Variants in URI1 observed in about 807,000 individuals in gnomAD.
The protein encoded by URI1 is unconventional prefoldin RPB5 interactor 1.
A neutral mutation model predicts 60.2 loss-of-function variants in URI1; 39 were observed. That is an observed-to-expected ratio of 0.65 (90% CI 0.50 to 0.85). The LOEUF is 0.85. URI1 is among the 40% of genes least tolerant of loss of function. URI1 has a pLI of 0.00. For missense variants in URI1, 691 were observed against 665.9 expected (o/e 1.04, Z -0.42); for synonymous variants, 251 against 236.8 (o/e 1.06, Z -0.55).
intron 4 of URI1, among the ~76,000 whole-genome samples, chr19:30,005,133 A>G (rs569584795): frequency 6.6e-6 from 1 of 152,212 alleles, no homozygotes; most frequent in African/African-American, 2.4e-5. Flanking sequence ...TGTAATAGAG[A>G]GAAAATATGT....
intron 4 of URI1, among the ~76,000 whole-genome samples, chr19:29,992,619 A>T (rs1384576580): frequency 6.6e-6 from 1 of 152,188 alleles, no homozygotes; most frequent in Non-Finnish European, 1.5e-5. Context: ...TTAATGTTAC[A>T]AATTAGGGAT....
In URI1 at chr19:29,942,271, G is replaced by A; in HGVS notation, c.-277G>A. 2.0e-6 allele frequency: 2 copies of A among 984,772 alleles called. No homozygotes were observed. Among genetic ancestry groups the A allele is most frequent in the Non-Finnish European group, 1.2e-6 (1 of 829,660 alleles). The allele number at this position is 984,772 out of a possible 1,614,324, so 61.0% of individuals were successfully genotyped here. ...GAGGCGCGGCCGCCACGCGACGCCT[G>A]GCTGGGCCCGCACCGGAGAGGCGTC... On this transcript the variant is annotated 5_prime_UTR_variant, in exon 1 of 11. Transcript: ENST00000392271.
chr19:29,974,504 C>T (rs1465602769), intron 2 of URI1, among the ~76,000 whole-genome samples: 2 of 152,092 alleles, frequency 1.3e-5, no homozygotes, highest in African/African-American at 4.8e-5. Context: ...ACTCATCAGT[C>T]GGCTTTGATA....
chr19:29,958,005 G>A (rs2145279768), intron 1 of URI1: 1 of 150,984 alleles, frequency 6.6e-6, no homozygotes, highest in South Asian at 2.1e-4. Flanking sequence ...GGCCAGACTA[G>A]TCTCCAACTC....
intron 1 of URI1, among the ~76,000 whole-genome samples, chr19:29,968,991 A>G (rs1027785600): frequency 9.2e-5 from 14 of 152,118 alleles, no homozygotes; most frequent in Non-Finnish European, 1.5e-5. Flanking sequence ...TAGGTGGACC[A>G]TAAATCATAT....
In URI1 at chr19:29,978,533, T is replaced by C. The variant is rs540330892; in HGVS notation, c.153-6690T>C. Among the ~76,000 whole-genome samples the C allele has an allele frequency of 1.0e-3, 158 of 151,278 alleles. 3 individuals are homozygous for C. Among genetic ancestry groups the C allele is most frequent in the African/African-American group, 3.8e-3 (156 of 41,474 alleles). On this transcript the variant is annotated intron_variant, in intron 2 of 10. Transcript: ENST00000392271. ...TGAAGAGTAACATCCAATAAAACTC[T>C]TAAGCACAGAGTCCTGTTTGAGGAT...
chr19:30,015,370 T>C lies in URI1; in HGVS notation c.*301T>C. 7.0e-7 allele frequency: 1 copy of C among 1,431,850 alleles called. No individual in the cohort carries two copies. 88.7% of individuals were successfully genotyped at this position (1,431,850 alleles called of 1,614,324 possible). On this transcript the variant is annotated 3_prime_UTR_variant, in exon 11 of 11. Transcript: ENST00000392271. ...CAAAGAATACTGTTCATATGCATTG[T>C]TTTTGTGTTTCAAACTAAATACAGG...
chr19:30,015,656 T>C lies in URI1; in HGVS notation c.*587T>C, dbSNP rs926567482. ...ATGGGAAAATTTCTTTGGAAAGATA[T>C]TTTGTAAAACTTTTTTTTCCAAGTA... On this transcript the variant is annotated 3_prime_UTR_variant, in exon 11 of 11. Coordinates refer to ENST00000392271, the MANE Select transcript of URI1 (RefSeq NM_003796.3). 12 of 1,423,860 alleles carry C rather than the reference T, an allele frequency of 8.4e-6. No homozygotes were observed. The highest frequency in any genetic ancestry group is 2.6e-5 in the Admixed American group (1 of 37,862). 88.2% of individuals were successfully genotyped at this position (1,423,860 alleles called of 1,614,324 possible).
intron 9 of URI1, among the ~76,000 whole-genome samples, chr19:30,011,828 C>T (rs917851732): frequency 7.0e-6 from 1 of 143,338 alleles, no homozygotes; most frequent in African/African-American, 2.6e-5. Flanking sequence ...TGTTCTCACT[C>T]ATAGGTGGGA....
At chr19:29,978,803 C>T (rs995961241) in intron 2 of URI1, among the ~76,000 whole-genome samples, 5 of 152,112 alleles carry the variant, frequency 3.3e-5, no homozygotes, top group Non-Finnish European at 5.9e-5. Flanking sequence ...AGGGTTTTCA[C>T]ATTTTTCTTT....
rs75239118 is a variant in URI1, at chr19:29,981,386, A to T, written c.153-3837A>T. ...CTCTTACTTTCTACAATTTTATGCA[A>T]ATGAGCTGTTTCCCATAGGTTCTGT... On this transcript the variant is annotated intron_variant, in intron 2 of 10. Transcript: ENST00000392271. 2.2e-4 allele frequency among the ~76,000 whole-genome samples: 33 copies of T among 152,150 alleles called. No homozygotes were observed. In the South Asian group the frequency reaches 6.4e-3, roughly 30 times the overall value.
intron 9 of URI1, 56 bp from the exon 10 acceptor site, chr19:30,012,229 G>T: frequency 1.3e-6 from 2 of 1,499,336 alleles, no homozygotes; most frequent in South Asian, 1.4e-5. Flanking sequence ...TCAAAAAGTT[G>T]TTCTCAGTTT....
At chr19:30,010,972 G>A in intron 8 of URI1, 122 bp from the exon 9 acceptor site, 7 of 1,055,320 alleles carry the variant, frequency 6.6e-6, no homozygotes, top group Non-Finnish European at 9.5e-6. Flanking sequence ...CATCATTTCA[G>A]CATCAGAAAA....
At chr19:29,944,051 A>G (rs2055065805) in intron 1 of URI1, among the ~76,000 whole-genome samples, 1 of 146,988 alleles carries the variant, frequency 6.8e-6, no homozygotes, top group African/African-American at 2.5e-5. Flanking sequence ...AGGTGAGAGG[A>G]TCACTTGAGC....
At chr19:29,983,835 A>T (rs1390280053) in intron 2 of URI1, among the ~76,000 whole-genome samples, 2 of 152,216 alleles carry the variant, frequency 1.3e-5, no homozygotes, top group South Asian at 2.1e-4. Context: ...CTCTGCCCCT[A>T]CAGAGTTACA....
chr19:29,928,268 G>A (rs572063761), intron 1 of URI1, among the ~76,000 whole-genome samples: 3 of 152,212 alleles, frequency 2.0e-5, no homozygotes, highest in Admixed American at 6.5e-5. Context: ...AGGCTGTTTC[G>A]AGGAATCACT....
At chr19:30,005,280 T>C (rs539945294) in intron 4 of URI1, 81 bp from the exon 5 acceptor site, 1 of 742,940 alleles carries the variant, frequency 1.3e-6, no homozygotes, top group Non-Finnish European at 2.2e-6. Context: ...ATACTTGTAG[T>C]GTGATAGGAC....
intron 4 of URI1, among the ~76,000 whole-genome samples, chr19:29,991,787 G>C (rs1359959173): frequency 6.6e-6 from 1 of 151,986 alleles, no homozygotes; most frequent in Non-Finnish European, 1.5e-5. Flanking sequence ...CTTTCTACCT[G>C]GTTCTAATTT....
Position 30,001,014 on chromosome 19 carries a change from A to T in URI1, c.368-4347A>T, listed in dbSNP as rs531161828. Among the ~76,000 whole-genome samples, 13 of 151,806 alleles carry T rather than the reference A, an allele frequency of 8.6e-5. No individual in the cohort carries two copies. The South Asian group carries it at 2.7e-3, about 32-fold the overall frequency. On this transcript the variant is annotated intron_variant, in intron 4 of 10. Transcript: ENST00000392271. ...TGTTCTTTGGCTGTTTCTTTGTTAC[A>T]GCATCCTGTTCTTGTTTCATGGATG...
Sources: allele counts gnomAD v4.1 joint callset (sites outside exome capture counted in the v4.1 genomes callset), GRCh38; gene constraint gnomAD v4.1.1; transcripts MANE v1.5; gene names NCBI Gene and HGNC (gene_info 2026-07-23, HGNC 2026-07-21).